GLB1L2: variants seen among roughly 807,000 people sequenced by gnomAD.
The protein encoded by GLB1L2 is galactosidase beta 1 like 2.
Under a neutral mutation model 84.1 loss-of-function variants are expected in GLB1L2, and 68 were observed. The observed-to-expected ratio is 0.81, with a 90% CI of 0.67 to 0.99. GLB1L2 has a LOEUF of 0.99. Among genes scored for constraint, GLB1L2 ranks in the 50% least tolerant of loss-of-function variants. The pLI, the probability that GLB1L2 is intolerant of heterozygous loss-of-function variation, is 0.00. For missense variants in GLB1L2, 762 were observed against 805.6 expected, an observed-to-expected ratio of 0.95 and a Z score of 0.66; for synonymous variants, 290 against 318.0, an observed-to-expected ratio of 0.91 and a Z score of 0.94.
intron 1 of GLB1L2, among the ~76,000 whole-genome samples, chr11:134,332,716 C>T (rs1308622137): frequency 6.6e-6 from 1 of 152,200 alleles, no homozygotes. Flanking sequence ...GGTCGTCTCT[C>T]TCCACTTTCC....
In GLB1L2 at chr11:134,338,829, G is replaced by A. The variant is rs145818981; in HGVS notation, c.87-3925G>A. 5.2e-3 allele frequency among the ~76,000 whole-genome samples: 794 copies of A among 152,002 alleles called. 3 individuals are homozygous for A. Among genetic ancestry groups the A allele is most frequent in the Non-Finnish European group, 9.1e-3 (618 of 68,028 alleles). On this transcript the variant is annotated intron_variant, in intron 1 of 18. Coordinates refer to ENST00000535456, the MANE Select transcript of GLB1L2 (RefSeq NM_001370461.1). This position sits in a 1 kb window ranked among gnomAD's most constrained non-coding sequence, Gnocchi z 6.2. ...GCGCGGCCCCATCAGAAGTCCTGAT[G>A]TGCCTGCCTTCCTCCAGGAACCCCA...
intron 5 of GLB1L2, among the ~76,000 whole-genome samples, chr11:134,350,936 G>C (rs1455773151): frequency 6.6e-6 from 1 of 152,164 alleles, no homozygotes; most frequent in Non-Finnish European, 1.5e-5. Flanking sequence ...TAGGGGTGTG[G>C]GGATGTGCAC....
rs558441840 is a variant in GLB1L2 at position 134,333,700 on chromosome 11, G to A, written c.86+1553G>A. Among the ~76,000 whole-genome samples, 4 of 152,352 alleles carry A rather than the reference G, an allele frequency of 2.6e-5. No individual in the cohort carries two copies. In the South Asian group the frequency reaches 6.2e-4, roughly 24 times the overall value. ...AGGGAGCTGACCTAGCTGGGAAGAC[G>A]CCTGAGCTTCTTTGAGGTGAGGTAA... On this transcript the variant is annotated intron_variant, in intron 1 of 18. Coordinates refer to ENST00000535456, the MANE Select transcript of GLB1L2 (RefSeq NM_001370461.1).
chr11:134,374,759 GC>G, intron 18 of GLB1L2, 41 bp downstream of exon 18: 2 of 1,504,218 alleles, frequency 1.3e-6, no homozygotes, highest in Non-Finnish European at 1.8e-6. Flanking sequence ...ATGACGCCCT[GC>G]CCACCTGCCG....
rs1188571682 is a variant in GLB1L2 at position 134,375,156 on chromosome 11, TCTC to T, written c.*101_*103del. 1.7e-5 allele frequency: 15 copies of T among 882,954 alleles called. No individual in the cohort carries two copies. The East Asian group carries it at 3.7e-4, about 22-fold the overall frequency. The allele number at this position is 882,954 out of a possible 1,614,324, so 54.7% of individuals were successfully genotyped here. A position where few individuals can be genotyped will look rare whatever the true frequency, so the allele number is the denominator to read the frequency against. On this transcript the variant is annotated 3_prime_UTR_variant, in exon 19 of 19. Coordinates refer to ENST00000535456, the MANE Select transcript of GLB1L2 (RefSeq NM_001370461.1). ...TGCCCCACCCCTCACTGCAAAAGCA[TCTC>T]CTTAAGTAGCAACCTCAGGGACTGG... is the stretch of plus-strand genomic sequence containing the variant.
intron 7 of GLB1L2, among the ~76,000 whole-genome samples, chr11:134,361,844 C>T (rs938715522): frequency 1.3e-5 from 2 of 152,132 alleles, no homozygotes; most frequent in African/African-American, 2.4e-5. Context: ...CGTGGCTTCC[C>T]GGCACCTGCT....
rs1331825520 is a variant in GLB1L2 at position 134,334,152 on chromosome 11, G to A, written c.86+2005G>A. Among the ~76,000 whole-genome samples, 1 of 152,082 alleles carries A rather than the reference G, an allele frequency of 6.6e-6. No individual in the cohort carries two copies. The highest frequency in any genetic ancestry group is 1.5e-5 in the Non-Finnish European group (1 of 68,022). On this transcript the variant is annotated intron_variant, in intron 1 of 18. Coordinates refer to ENST00000535456, the MANE Select transcript of GLB1L2 (RefSeq NM_001370461.1). The surrounding 1 kb of genome is among the most constrained non-coding windows in gnomAD (Gnocchi z 4.1). ...GGGTCATTAACTGAGTGGGAGGTGG[G>A]GCCTCTCCCAGCTGTTACTGGGCAG...
intron 5 of GLB1L2, among the ~76,000 whole-genome samples, chr11:134,354,792 CTCTT>C (rs1398672213): frequency 6.6e-6 from 1 of 152,166 alleles, no homozygotes; most frequent in Non-Finnish European, 1.5e-5. Flanking sequence ...TCAAGAATCT[CTCTT>C]TGTCTTCAAT....
intron 18 of GLB1L2, 122 bp from the exon 19 acceptor site, chr11:134,374,850 G>T: frequency 8.5e-7 from 1 of 1,171,930 alleles, no homozygotes; most frequent in Non-Finnish European, 1.3e-6. Context: ...ACGAGTTGTT[G>T]GTCCCTGTCC....
chr11:134,340,001 TC>T (rs1943439339), intron 1 of GLB1L2, among the ~76,000 whole-genome samples: 1 of 152,082 alleles, frequency 6.6e-6, no homozygotes, highest in Admixed American at 6.5e-5. Flanking sequence ...TCCTTAGTCA[TC>T]AACTAATCAA....
intron 6 of GLB1L2, 147 bp from the exon 7 acceptor site, chr11:134,358,913 G>C: frequency 1.7e-6 from 1 of 573,958 alleles, no homozygotes; most frequent in Non-Finnish European, 3.1e-6. Context: ...CAGATGGCAG[G>C]AGACTTTTCT....
At chr11:134,348,621 G>T (rs1408940434) in intron 5 of GLB1L2, among the ~76,000 whole-genome samples, 2 of 152,042 alleles carry the variant, frequency 1.3e-5, no homozygotes, top group Non-Finnish European at 2.9e-5. Flanking sequence ...CATAAACTTT[G>T]CCATTTTAAC....
In GLB1L2 at chr11:134,371,497, G is replaced by A. The variant is rs201589303; in HGVS notation, c.1428+5G>A. 107 of 1,555,520 alleles carry A rather than the reference G, an allele frequency of 6.9e-5. No homozygotes were observed. Among genetic ancestry groups the A allele is most frequent in the Non-Finnish European group, 8.3e-5 (94 of 1,126,792 alleles). On this transcript the variant is annotated splice_donor_5th_base_variant and intron_variant, in intron 14 of 18. Coordinates refer to ENST00000535456, the MANE Select transcript of GLB1L2 (RefSeq NM_001370461.1). ...ATTGCTGTCCCCCTGATCCAGGTTC[G>A]TTGTTTTTGGGAGCTGGGTGATGGC...
intron 7 of GLB1L2, among the ~76,000 whole-genome samples, chr11:134,363,682 G>A (rs1055160515): frequency 3.3e-5 from 5 of 152,172 alleles, no homozygotes; most frequent in Admixed American, 1.3e-4. Context: ...ACCTTGGACC[G>A]GATGCTTGGG....
At chr11:134,340,442 G>C (rs1241205854) in intron 1 of GLB1L2, among the ~76,000 whole-genome samples, 1 of 152,210 alleles carries the variant, frequency 6.6e-6, no homozygotes, top group Non-Finnish European at 1.5e-5. Context: ...AACCTGTGTT[G>C]CGGCGGGCAG....
chr11:134,352,961 T>C (rs1313758968), intron 5 of GLB1L2, among the ~76,000 whole-genome samples: 1 of 152,204 alleles, frequency 6.6e-6, no homozygotes, highest in African/African-American at 2.4e-5. Context: ...ATATATTTTC[T>C]AATGTCTCTT....
At chr11:134,333,592 G>A (rs187530951) in intron 1 of GLB1L2, among the ~76,000 whole-genome samples, 100 of 152,318 alleles carry the variant, frequency 6.6e-4, no homozygotes, top group African/African-American at 2.3e-3. Context: ...GGGCTGAGTG[G>A]TACACCCAAA....
intron 5 of GLB1L2, among the ~76,000 whole-genome samples, chr11:134,348,596 G>A (rs925678598): frequency 3.3e-5 from 5 of 151,974 alleles, no homozygotes; most frequent in African/African-American, 1.2e-4. Flanking sequence ...TGTGACTATG[G>A]GATAGTATAC....
Position 134,370,299 on chromosome 11 carries a change from C to G in GLB1L2, c.1115C>G (p.Pro372Arg). 6.2e-7 allele frequency: 1 copy of G among 1,613,578 alleles called. No homozygotes were observed. Among genetic ancestry groups the G allele is most frequent in the Admixed American group, 1.7e-5 (1 of 59,986 alleles). ...RDFFGSISGIPLPPPPDLLPK... is the reference protein window; with the variant it reads ...RDFFGSISGIRLPPPPDLLPK... ...CCTGTTTTCTGTGTTGCAGGCATCC[C>G]TCTCCCTCCCCCACCTGACCTTCTT... is the stretch of plus-strand genomic sequence containing the variant. The change falls in exon 12 of 19, where the codon CCT (proline) becomes CGT (arginine). Residue 372 changes from proline (P) to arginine (R), a missense_variant. Coordinates refer to ENST00000535456, the MANE Select transcript of GLB1L2 (RefSeq NM_001370461.1). This position sits in a 1 kb window ranked among gnomAD's most constrained non-coding sequence, Gnocchi z 4.7.
Sources: allele counts gnomAD v4.1 joint callset (sites outside exome capture counted in the v4.1 genomes callset), GRCh38; gene constraint gnomAD v4.1.1; non-coding constraint Gnocchi (gnomAD v3.1); transcripts MANE v1.5; gene names NCBI Gene and HGNC (gene_info 2026-07-23, HGNC 2026-07-21).